The following ELAC1 variants were observed in gnomAD, a reference collection of about 807,000 sequenced individuals.
The protein encoded by ELAC1 is zinc phosphodiesterase ELAC protein 1.
A neutral mutation model predicts 25.8 loss-of-function variants in ELAC1; 19 were observed. The ratio of observed to expected loss-of-function variants is 0.74; its 90% CI spans 0.51 to 1.08. ELAC1 has a LOEUF of 1.08. Among genes scored for constraint, ELAC1 ranks in the 50% least tolerant of loss-of-function variants. The probability of loss-of-function intolerance (pLI) is 0.00; values close to 1 mark genes in which losing one functional copy is unlikely to be tolerated. For missense variants in ELAC1, 403 were observed against 434.6 expected (o/e 0.93, Z 0.65); for synonymous variants, 148 against 160.9 (o/e 0.92, Z 0.61).
intron 2 of ELAC1, among the ~76,000 whole-genome samples, chr18:50,981,385 C>A (rs897286992): frequency 5.9e-5 from 9 of 151,764 alleles, no homozygotes; most frequent in Admixed American, 5.9e-4. Context: ...CTTGGCATAA[C>A]CTGCTTTTTT....
intron 1 of ELAC1, among the ~76,000 whole-genome samples, chr18:50,971,738 A>G (rs983479242): frequency 6.6e-6 from 1 of 151,650 alleles, no homozygotes; most frequent in Non-Finnish European, 1.5e-5. Context: ...CTGGAGACTG[A>G]ACCCTTATCT....
intron 2 of ELAC1, among the ~76,000 whole-genome samples, chr18:50,978,651 T>C (rs1480315863): frequency 6.6e-6 from 1 of 151,902 alleles, no homozygotes; most frequent in East Asian, 1.9e-4. Flanking sequence ...ACTGTGTATA[T>C]GTGTGTGTGT....
chr18:50,984,775 T>C (rs572149478), intron 3 of ELAC1: 11 of 582,908 alleles, frequency 1.9e-5, no homozygotes, highest in South Asian at 1.1e-4. Context: ...CTACTAAAAA[T>C]ACAAAAAGTA....
chr18:50,984,363 A>G lies in ELAC1; in HGVS notation c.425A>G (p.Asn142Ser), dbSNP rs139758805. The change falls in exon 3 of 4, where the codon AAT becomes AGT. Residue 142 changes from asparagine to serine, a missense_variant. Asn to Ser is a conservative substitution (Grantham distance 46, BLOSUM62 1). Coordinates refer to ENST00000269466, the MANE Select transcript of ELAC1 (RefSeq NM_018696.3). ...GAACTAAAAGAATTTGCGCATGTGA[A>G]TAGAGCAGACAGTCCTCCCAAAGAG... ...AEELKEFAHV[N>S]RADSPPKEEQ... The G allele has an allele frequency of 4.3e-6, 7 of 1,614,144 alleles. No homozygotes were observed. The highest frequency in any genetic ancestry group is 5.9e-6 in the Non-Finnish European group (7 of 1,180,048).
chr18:50,976,879 C>G (rs1044732037), intron 2 of ELAC1, among the ~76,000 whole-genome samples: 1 of 152,208 alleles, frequency 6.6e-6, no homozygotes, highest in Non-Finnish European at 1.5e-5. Flanking sequence ...GGTAAATATA[C>G]CCATTCCAAA....
chr18:50,974,045 T>G (rs1907730480), intron 1 of ELAC1, among the ~76,000 whole-genome samples: 1 of 152,252 alleles, frequency 6.6e-6, no homozygotes, highest in Non-Finnish European at 1.5e-5. Context: ...GTGCTCTGCC[T>G]GTTCATTCTT....
At chr18:50,977,666 GC>G (rs1305952234) in intron 2 of ELAC1, among the ~76,000 whole-genome samples, 25 of 152,164 alleles carry the variant, frequency 1.6e-4, no homozygotes, top group African/African-American at 5.8e-4. Context: ...TTAACATTTG[GC>G]TCCTCATTAC....
chr18:50,971,834 T>G (rs1907660301), intron 1 of ELAC1, among the ~76,000 whole-genome samples: 1 of 149,098 alleles, frequency 6.7e-6, no homozygotes, highest in Non-Finnish European at 1.5e-5. Context: ...GGATTTCTTC[T>G]GTGATTCATA....
In ELAC1 at chr18:50,984,370, A is replaced by G. The variant is rs760813216; in HGVS notation, c.432A>G (p.Ala144=). 1 of 1,614,230 alleles carries G rather than the reference A, an allele frequency of 6.2e-7. No homozygotes were observed. Among genetic ancestry groups the G allele is most frequent in the Non-Finnish European group, 8.5e-7 (1 of 1,180,020 alleles). ...AAGAATTTGCGCATGTGAATAGAGC[A>G]GACAGTCCTCCCAAAGAGGAACAAG... ...ELKEFAHVNR[A]DSPPKEEQGR... Residue 144 remains alanine, a synonymous_variant, in exon 3 of 4, where the codon GCA becomes GCG. Transcript: ENST00000269466.
At chr18:50,974,002 T>C (rs577865187) in intron 1 of ELAC1, among the ~76,000 whole-genome samples, 47 of 152,360 alleles carry the variant, frequency 3.1e-4, no homozygotes, top group African/African-American at 1.1e-3. Context: ...TACTGTATCA[T>C]ACAGAATCGT....
intron 1 of ELAC1, among the ~76,000 whole-genome samples, chr18:50,970,823 TTTAA>T (rs1907631502): frequency 1.3e-5 from 2 of 151,794 alleles, no homozygotes; most frequent in Non-Finnish European, 2.9e-5. Flanking sequence ...ACCCCATCAC[TTTAA>T]TTACCCCTGA....
At chr18:50,983,163 T>TTTG (rs1056524061) in intron 2 of ELAC1, among the ~76,000 whole-genome samples, 17 of 127,210 alleles carry the variant, frequency 1.3e-4, no homozygotes, top group Admixed American at 8.6e-4. Flanking sequence ...GTGTTTTTTT[T>TTTG]TTTTTTTTTT....
chr18:50,985,613 G>A (rs908138107), intron 3 of ELAC1, among the ~76,000 whole-genome samples: 1 of 152,230 alleles, frequency 6.6e-6, no homozygotes, highest in Non-Finnish European at 1.5e-5. Flanking sequence ...CATTTTGTGT[G>A]TGTTTGTTTT....
At chr18:50,972,993 A>T (rs1052737228) in intron 1 of ELAC1, among the ~76,000 whole-genome samples, 11 of 152,240 alleles carry the variant, frequency 7.2e-5, no homozygotes, top group Admixed American at 5.2e-4. Context: ...CTTAGGAAGG[A>T]TGAACATCTC....
chr18:50,969,440 A>G (rs891739510), intron 1 of ELAC1: 1 of 152,224 alleles, frequency 6.6e-6, no homozygotes, highest in Non-Finnish European at 1.5e-5. Flanking sequence ...TTCACATTGT[A>G]TCATACCAGG....
Position 50,982,459 on chromosome 18 carries a change from A to T in ELAC1, c.158-1637A>T, listed in dbSNP as rs149868460. Among the ~76,000 whole-genome samples, 265 of 152,330 alleles carry T rather than the reference A, an allele frequency of 1.7e-3. 1 individual carries two copies. Among genetic ancestry groups the T allele is most frequent in the Middle Eastern group, 0.01 (3 of 294 alleles). On this transcript the variant is annotated intron_variant, in intron 2 of 3. Transcript: ENST00000269466. ...ATTCCTGTTCTTTTATGGTATCAATAAACTGTTTCTGTACTTTTATAGCAT... is the reference window on the plus strand; with the variant it reads ...ATTCCTGTTCTTTTATGGTATCAATTAACTGTTTCTGTACTTTTATAGCAT...
Position 50,986,630 on chromosome 18 carries a change from G to A in ELAC1, c.637G>A (p.Gly213Ser), listed in dbSNP as rs751444029. ...QKLKDLGVPPGPAYGKLKNGI... is the reference protein window; with the variant it reads ...QKLKDLGVPPSPAYGKLKNGI... ...GCCTTCATCATTAGGTGTTCCACCA[G>A]GTCCTGCCTATGGGAAGCTGAAAAA... The change falls in exon 4 of 4, where the codon GGT becomes AGT. Residue 213 changes from glycine (G) to serine (S), a missense_variant. By Grantham distance (56) the Gly-to-Ser change is moderately conservative (BLOSUM62 0). Transcript: ENST00000269466. 6.2e-7 allele frequency: 1 copy of A among 1,609,544 alleles called. No individual in the cohort carries two copies. The highest frequency in any genetic ancestry group is 8.5e-7 in the Non-Finnish European group (1 of 1,177,188).
rs75406250 is a variant in ELAC1, at chr18:50,973,980, A to C, written c.-8-417A>C. On this transcript the variant is annotated intron_variant, in intron 1 of 3. Coordinates refer to ENST00000269466, the MANE Select transcript of ELAC1 (RefSeq NM_018696.3). ...GTACAGTTGACCAATGTATAATGACATATGTCTGTCTTACTGTATCATACA... is the reference window on the plus strand; with the variant it reads ...GTACAGTTGACCAATGTATAATGACCTATGTCTGTCTTACTGTATCATACA... Among the ~76,000 whole-genome samples, 625 of 152,356 alleles carry C rather than the reference A, an allele frequency of 4.1e-3. 17 individuals carry two copies. In the East Asian group the frequency reaches 0.064, roughly 16 times the overall value.
chr18:50,970,303 G>C (rs994516707), intron 1 of ELAC1, among the ~76,000 whole-genome samples: 2 of 152,118 alleles, frequency 1.3e-5, no homozygotes, highest in Non-Finnish European at 2.9e-5. Context: ...ATATGCCCCC[G>C]GGGTTATGTA....
Sources: gnomAD v4.1 joint callset for allele counts (sites outside exome capture counted in the v4.1 genomes callset) on GRCh38, gnomAD v4.1.1 for gene constraint, MANE v1.5 for transcripts, NCBI Gene and HGNC (gene_info 2026-07-23, HGNC 2026-07-21) for gene names.